Variants in NPC1L1 observed in about 807,000 individuals in gnomAD.
NPC1L1 encodes NPC1 like intracellular cholesterol transporter 1.
NPC1L1 carries 98 observed loss-of-function variants against 117.0 expected under a neutral mutation model. The observed-to-expected ratio is 0.84, with a 90% CI of 0.71 to 0.99. The LOEUF (loss-of-function observed/expected upper bound fraction) is 0.99. Ranked by LOEUF, NPC1L1 falls within the 50% of genes least tolerant of loss-of-function variation. NPC1L1 has a pLI of 0.00. For synonymous variants in NPC1L1, 729 were observed against 727.6 expected (o/e 1.00, Z -0.03); for missense variants, 1,540 against 1,710.0 (o/e 0.90, Z 1.75).
rs1283173994 is a variant in NPC1L1 at position 44,539,649 on chromosome 7, C to G, written c.748G>C (p.Asp250His). 6.2e-7 allele frequency: 1 copy of G among 1,613,864 alleles called. No homozygotes were observed. The highest frequency in any genetic ancestry group is 1.1e-5 in the South Asian group (1 of 91,084). The change falls in exon 2 of 19, where the codon GAC becomes CAC. Residue 250 changes from aspartate to histidine, a missense_variant. Physicochemically the swap from Asp to His is moderately conservative, Grantham distance 81 (BLOSUM62 -1). This residue lies in a region of NPC1L1 where 793 missense variants were observed against 820.4 expected (regional missense o/e 0.97). Coordinates refer to ENST00000381160, the MANE Select transcript of NPC1L1 (RefSeq NM_001101648.2). The surrounding 1 kb of genome is among the most constrained non-coding windows in gnomAD (Gnocchi z 4.4). ...VARCNESQGD[D>H]VATCSCQDCA... ...TCTTGGCAGGAGCAGGTCGCCACGT[C>G]GTCACCTTGGGACTCATTGCAACGT...
Position 44,521,786 on chromosome 7 carries a change from C to T in NPC1L1, c.2879G>A (p.Trp960Ter). 1 of 1,614,130 alleles carries T rather than the reference C, an allele frequency of 6.2e-7. No homozygotes were observed. Among genetic ancestry groups the T allele is most frequent in the Non-Finnish European group, 8.5e-7 (1 of 1,180,026 alleles). ...ASSWVDDFID[W>*]LTPSSCCRLY... ...GCGGCAGCAGGAGGACGGGGTCAGC[C>T]AGTCAATGAAGTCATCCACCCAGGA... is the stretch of plus-strand genomic sequence containing the variant. The change falls in exon 12 of 19, where the codon TGG becomes TAG. Residue 960 changes from tryptophan (W) to a stop codon, truncating the protein, a stop_gained. Transcript: ENST00000381160. LOFTEE classifies it high-confidence loss of function.
rs530853749 is a variant in NPC1L1 at position 44,537,779 on chromosome 7, A to G, written c.1581-837T>C. 5.6e-4 allele frequency among the ~76,000 whole-genome samples: 85 copies of G among 152,360 alleles called. 7 individuals carry two copies. In the South Asian group the frequency reaches 0.014, roughly 26 times the overall value. On this transcript the variant is annotated intron_variant, in intron 2 of 18. Coordinates refer to ENST00000381160, the MANE Select transcript of NPC1L1 (RefSeq NM_001101648.2). ...TAAAGATAATACCCTATAATGGACT[A>G]TAAAGCTACCGTCAGACATGAGTCT...
intron 5 of NPC1L1, among the ~76,000 whole-genome samples, chr7:44,535,505 G>A (rs975616596): frequency 3.3e-5 from 5 of 151,746 alleles, no homozygotes; most frequent in African/African-American, 9.7e-5. Flanking sequence ...ACTCCAGCCT[G>A]GGCAACAGAG....
chr7:44,523,623 T>G (rs1801425212), intron 10 of NPC1L1, among the ~76,000 whole-genome samples: 1 of 151,944 alleles, frequency 6.6e-6, no homozygotes, highest in Non-Finnish European at 1.5e-5. Context: ...TTCAGAACTT[T>G]GGGAGGGCAA....
chr7:44,530,981 C>A (rs1335351352), intron 10 of NPC1L1, among the ~76,000 whole-genome samples: 3 of 152,226 alleles, frequency 2.0e-5, no homozygotes, highest in Non-Finnish European at 2.9e-5. Context: ...CTTGCCCAAA[C>A]CTCCATCACA....
At position 44,539,368 on chromosome 7, in the gene NPC1L1, G is replaced by A; in HGVS notation, c.1029C>T (p.Gly343=). Residue 343 remains glycine, a synonymous_variant, in exon 2 of 19, where the codon GGC becomes GGT. Coordinates refer to ENST00000381160, the MANE Select transcript of NPC1L1 (RefSeq NM_001101648.2). This position sits in a 1 kb window ranked among gnomAD's most constrained non-coding sequence, Gnocchi z 4.4. The part of the protein sequence containing the change: ...THTLLGQFFQ[G]WGTWVASWPL... ...GCCACGAAGCCACCCACGTGCCCCA[G>A]CCCTGGAAGAACTGGCCAAGGAGGG... 6.2e-7 allele frequency: 1 copy of A among 1,613,690 alleles called. No individual in the cohort carries two copies. Among genetic ancestry groups the A allele is most frequent in the South Asian group, 1.1e-5 (1 of 91,078 alleles).
At chr7:44,516,053 G>C (rs1801176671) in intron 17 of NPC1L1, 31 bp downstream of exon 17, 1 of 1,606,562 alleles carries the variant, frequency 6.2e-7, no homozygotes, top group East Asian at 2.2e-5. Context: ...TGTCGAGTGG[G>C]GCACAGGGTG....
intron 7 of NPC1L1, 73 bp downstream of exon 7, chr7:44,533,666 T>C: frequency 6.2e-7 from 1 of 1,606,500 alleles, no homozygotes. Context: ...CCCACTGCCC[T>C]CTGGGAACTC....
At chr7:44,516,227 A>T in intron 16 of NPC1L1, 30 bp from the exon 17 acceptor site, 1 of 1,565,502 alleles carries the variant, frequency 6.4e-7, no homozygotes, top group Non-Finnish European at 8.7e-7. Context: ...ATAAGCCAAG[A>T]AAGGCAGAGG....
intron 10 of NPC1L1, among the ~76,000 whole-genome samples, chr7:44,528,071 C>T (rs781533603): frequency 1.3e-5 from 2 of 151,978 alleles, no homozygotes; most frequent in Non-Finnish European, 2.9e-5. Flanking sequence ...GTGATCCAAC[C>T]ACCTCACAAA....
chr7:44,517,114 T>C (rs1801214577), intron 15 of NPC1L1, 93 bp downstream of exon 15: 12 of 1,566,500 alleles, frequency 7.7e-6, no homozygotes, highest in Non-Finnish European at 9.7e-6. Flanking sequence ...CTGGTCCTCA[T>C]CTCATGCAAC....
Position 44,513,335 on chromosome 7 carries a change from A to T in NPC1L1, c.*112T>A. The stretch of plus-strand genomic sequence containing the variant: ...CTCCAGTGACAGGCAGTCTCATGGG[A>T]ATGGCCTCCCCTAGGATTTGAGGAG... On this transcript the variant is annotated 3_prime_UTR_variant, in exon 19 of 19. Coordinates refer to ENST00000381160, the MANE Select transcript of NPC1L1 (RefSeq NM_001101648.2). 9.7e-7 allele frequency: 1 copy of T among 1,026,336 alleles called. No individual in the cohort carries two copies. The highest frequency in any genetic ancestry group is 1.5e-6 in the Non-Finnish European group (1 of 660,404). 63.6% of individuals were successfully genotyped at this position (1,026,336 alleles called of 1,614,324 possible).
chr7:44,526,719 G>A (rs930480691), intron 10 of NPC1L1, among the ~76,000 whole-genome samples: 2 of 151,792 alleles, frequency 1.3e-5, no homozygotes, highest in African/African-American at 4.8e-5. Flanking sequence ...CAAAAAAATT[G>A]TTTTAATTAA....
At chr7:44,528,596 A>C (rs142534894) in intron 10 of NPC1L1, among the ~76,000 whole-genome samples, 59 of 152,372 alleles carry the variant, frequency 3.9e-4, no homozygotes, top group African/African-American at 1.3e-3. Context: ...GAAAATGAGA[A>C]GGAAAATGTA....
In NPC1L1 at chr7:44,517,339, T is replaced by C. The variant is rs1801223198; in HGVS notation, c.3155A>G (p.Tyr1052Cys). 6.2e-7 allele frequency: 1 copy of C among 1,613,114 alleles called. No homozygotes were observed. The highest frequency in any genetic ancestry group is 8.5e-7 in the Non-Finnish European group (1 of 1,180,038). The change falls in exon 15 of 19, where the codon TAT (tyrosine) becomes TGT (cysteine). Residue 1052 changes from tyrosine to cysteine, a missense_variant. This residue lies in a region of NPC1L1 where 742 missense variants were observed against 873.6 expected (regional missense o/e 0.85). Transcript: ENST00000381160. ...GQVLASRFMA[Y>C]HKPLKNSQDY... ...CTGTGAGTTTTTCAGGGGCTTGTGATAGGCCATGAACCTGGAGGCTGGACA... is the reference window on the plus strand; with the variant it reads ...CTGTGAGTTTTTCAGGGGCTTGTGACAGGCCATGAACCTGGAGGCTGGACA...
At chr7:44,527,197 G>A (rs1450524037) in intron 10 of NPC1L1, among the ~76,000 whole-genome samples, 1 of 151,348 alleles carries the variant, frequency 6.6e-6, no homozygotes, top group East Asian at 2.0e-4. Context: ...GGTGGCTCAT[G>A]CCTGTAATCC....
chr7:44,539,260 G>A lies in NPC1L1; in HGVS notation c.1137C>T (p.Pro379=), dbSNP rs115945744. The change falls in exon 2 of 19, where the codon CCC becomes CCT. Residue 379 remains proline, a synonymous_variant. Coordinates refer to ENST00000381160, the MANE Select transcript of NPC1L1 (RefSeq NM_001101648.2). The surrounding 1 kb of genome is among the most constrained non-coding windows in gnomAD (Gnocchi z 4.4). ...TGTTGGGGGCCGACCACAGCTCCAC[G>A]GGGTCCGTAGTGAGTTCTGTAAAGA... is the stretch of plus-strand genomic sequence containing the variant. ...GLVFTELTTD[P]VELWSAPNSQ... 1.5e-5 allele frequency: 25 copies of A among 1,614,076 alleles called. No individual in the cohort carries two copies. The East Asian group carries it at 1.6e-4, about 10-fold the overall frequency.
intron 1 of NPC1L1, among the ~76,000 whole-genome samples, chr7:44,540,962 T>C (rs1802083975): frequency 6.6e-6 from 1 of 151,984 alleles, no homozygotes; most frequent in African/African-American, 2.4e-5. Context: ...AGGAGGGACT[T>C]GGAGCACCCC....
In NPC1L1 at chr7:44,539,641, C is replaced by T. The variant is rs774814671; in HGVS notation, c.756G>A (p.Ala252=). The T allele has an allele frequency of 1.1e-5, 18 of 1,613,780 alleles. No individual in the cohort carries two copies. Among genetic ancestry groups the T allele is most frequent in the South Asian group, 1.1e-4 (10 of 91,074 alleles). ...CAGCACAGTCTTGGCAGGAGCAGGT[C>T]GCCACGTCGTCACCTTGGGACTCAT... ...RCNESQGDDV[A]TCSCQDCAAS... is the part of the protein sequence containing the mutation. The change falls in exon 2 of 19, where the codon GCG becomes GCA. Residue 252 remains alanine, a synonymous_variant. Coordinates refer to ENST00000381160, the MANE Select transcript of NPC1L1 (RefSeq NM_001101648.2). This position sits in a 1 kb window ranked among gnomAD's most constrained non-coding sequence, Gnocchi z 4.4.
Sources: gnomAD v4.1 joint callset for allele counts (sites outside exome capture counted in the v4.1 genomes callset) on GRCh38, gnomAD v4.1.1 for gene constraint, gnomAD v4.1.1 regional missense constraint, Gnocchi (gnomAD v3.1) non-coding constraint, MANE v1.5 for transcripts, NCBI Gene and HGNC (gene_info 2026-07-23, HGNC 2026-07-21) for gene names.